EPGN: variants seen among roughly 807,000 people sequenced by gnomAD.
The protein encoded by EPGN is epithelial mitogen.
EPGN carries 21 observed loss-of-function variants against 20.7 expected under a neutral mutation model. That is an observed-to-expected ratio of 1.01 (90% confidence interval 0.72 to 1.46). The LOEUF (loss-of-function observed/expected upper bound fraction) is 1.46. Ranked by LOEUF, EPGN falls within the 40% of genes most tolerant of loss-of-function variation. The pLI is 0.00. For missense variants in EPGN, 199 were observed against 180.7 expected, an observed-to-expected ratio of 1.10 and a Z score of -0.58; for synonymous variants, 69 against 63.8, an observed-to-expected ratio of 1.08 and a Z score of -0.39.
chr4:74,311,243 G>T (rs1750926453), intron 2 of EPGN, among the ~76,000 whole-genome samples: 1 of 151,922 alleles, frequency 6.6e-6, no homozygotes, highest in African/African-American at 2.4e-5. Context: ...GAAATAGAAA[G>T]CACCCAGCAC....
chr4:74,309,049 GA>G (rs780937447), intron 1 of EPGN, 43 bp from the exon 2 acceptor site: 1 of 1,389,026 alleles, frequency 7.2e-7, no homozygotes, highest in Non-Finnish European at 1.0e-6. Context: ...CTTGTACATA[GA>G]AGGAGGCTCT....
intron 2 of EPGN, 79 bp downstream of exon 2, chr4:74,309,261 A>G: frequency 9.3e-7 from 1 of 1,078,438 alleles, no homozygotes; most frequent in South Asian, 1.6e-5. Context: ...TAAAAGCAAT[A>G]TTGGCCATTT....
At position 74,309,109 on chromosome 4, in the gene EPGN, C is replaced by T. The variant is rs779037480; in HGVS notation, c.60C>T (p.Thr20=). 27 of 1,613,082 alleles carry T rather than the reference C, an allele frequency of 1.7e-5. No individual in the cohort carries two copies. The highest frequency in any genetic ancestry group is 3.3e-5 in the South Asian group (3 of 90,980). Residue 20 remains threonine (T), a synonymous_variant, in exon 2 of 5, where the codon ACC becomes ACT. Transcript: ENST00000413830. The part of the protein sequence containing the change: ...YLLFNAMTAL[T]EEAAVTVTPP... Reference sequence around the variant, plus strand: ...TTAATACAGCAATGACAGCACTGACCGAAGAGGCAGCCGTGACTGTAACAC... The same window carrying T: ...TTAATACAGCAATGACAGCACTGACTGAAGAGGCAGCCGTGACTGTAACAC...
Position 74,311,284 on chromosome 4 carries a change from GAATT to G in EPGN, c.134-895_134-892del, listed in dbSNP as rs112699682. 2.6e-3 allele frequency among the ~76,000 whole-genome samples: 395 copies of G among 152,126 alleles called. 1 individual carries two copies. Among genetic ancestry groups the G allele is most frequent in the African/African-American group, 8.4e-3 (349 of 41,520 alleles). On this transcript the variant is annotated intron_variant, in intron 2 of 4. Coordinates refer to ENST00000413830, the MANE Select transcript of EPGN (RefSeq NM_001270989.2). The stretch of plus-strand genomic sequence containing the variant: ...ATAATGGAAAATTCTCACTGCCTGA[GAATT>G]AATTATTAAAATGATAAATTATATT...
chr4:74,313,051 G>A lies in EPGN; in HGVS notation c.288G>A (p.Glu96=). The part of the protein sequence containing the change: ...CFTGYTGERC[E]HLTLTSYAVD... Reference sequence around the variant, plus strand: ...CTGGTTATACTGGAGAAAGGTGTGAGCACTTGACTTTAACTTCATATGCTG... The same window carrying A: ...CTGGTTATACTGGAGAAAGGTGTGAACACTTGACTTTAACTTCATATGCTG... Residue 96 remains glutamate, a synonymous_variant, in exon 4 of 5, where the codon GAG becomes GAA. Coordinates refer to ENST00000413830, the MANE Select transcript of EPGN (RefSeq NM_001270989.2). 6.2e-7 allele frequency: 1 copy of A among 1,612,040 alleles called. No individual in the cohort carries two copies. Among genetic ancestry groups the A allele is most frequent in the Non-Finnish European group, 8.5e-7 (1 of 1,179,486 alleles).
In EPGN at chr4:74,309,047, T is replaced by C. The variant is rs200484090; in HGVS notation, c.44-46T>C. Reference sequence around the variant, plus strand: ...ATACTTTCCATCTGTTGCTTGTACATAGAAGGAGGCTCTCTGTTAAAGATG... The same window carrying C: ...ATACTTTCCATCTGTTGCTTGTACACAGAAGGAGGCTCTCTGTTAAAGATG... On this transcript the variant is annotated intron_variant, in intron 1 of 4. Coordinates refer to ENST00000413830, the MANE Select transcript of EPGN (RefSeq NM_001270989.2). 70 of 1,367,922 alleles carry C rather than the reference T, an allele frequency of 5.1e-5. No homozygotes were observed. The African/African-American group carries it at 8.5e-4, about 17-fold the overall frequency. 84.7% of individuals were successfully genotyped at this position (1,367,922 alleles called of 1,614,324 possible). A position where few individuals can be genotyped will look rare whatever the true frequency, so the allele number is the denominator to read the frequency against.
intron 1 of EPGN, among the ~76,000 whole-genome samples, chr4:74,308,820 T>C (rs1258405738): frequency 2.0e-5 from 3 of 152,182 alleles, no homozygotes; most frequent in Non-Finnish European, 2.9e-5. Context: ...AATTGATACA[T>C]TTAGCTACTA....
At chr4:74,310,032 C>T (rs1408579489) in intron 2 of EPGN, among the ~76,000 whole-genome samples, 1 of 152,052 alleles carries the variant, frequency 6.6e-6, no homozygotes, top group Non-Finnish European at 1.5e-5. Flanking sequence ...AATATTTTAC[C>T]CATTTGATTT....
Position 74,314,727 on chromosome 4 carries a change from G to A in EPGN, c.*90G>A, listed in dbSNP as rs1226306692. 8.7e-7 allele frequency: 1 copy of A among 1,153,998 alleles called. No individual in the cohort carries two copies. Among genetic ancestry groups the A allele is most frequent in the African/African-American group, 1.6e-5 (1 of 64,286 alleles). The allele number at this position is 1,153,998 out of a possible 1,614,324, so 71.5% of individuals were successfully genotyped here. A position where few individuals can be genotyped will look rare whatever the true frequency, so the allele number is the denominator to read the frequency against. ...CAGATGAAACAACAAAACTTGTCAA[G>A]CTGACTAGACTCGAAAATAATGAAA... On this transcript the variant is annotated 3_prime_UTR_variant, in exon 5 of 5. Coordinates refer to ENST00000413830, the MANE Select transcript of EPGN (RefSeq NM_001270989.2).
In EPGN at chr4:74,314,706, T is replaced by C. The variant is rs1410897535; in HGVS notation, c.*69T>C. 2 of 1,382,184 alleles carry C rather than the reference T, an allele frequency of 1.4e-6. No homozygotes were observed. Among genetic ancestry groups the C allele is most frequent in the Non-Finnish European group, 2.0e-6 (2 of 1,016,558 alleles). 85.6% of individuals were successfully genotyped at this position (1,382,184 alleles called of 1,614,324 possible). ...TGAGCCCAAAATTAAAGTTTTCAGA[T>C]GAAACAACAAAACTTGTCAAGCTGA... is the stretch of plus-strand genomic sequence containing the variant. On this transcript the variant is annotated 3_prime_UTR_variant, in exon 5 of 5. Transcript: ENST00000413830.
chr4:74,313,891 A>G (rs1187630358), intron 4 of EPGN, among the ~76,000 whole-genome samples: 1 of 152,192 alleles, frequency 6.6e-6, no homozygotes, highest in African/African-American at 2.4e-5. Flanking sequence ...GTTCAAAATT[A>G]GAAAAGTTTG....
At chr4:74,308,696 A>G in intron 1 of EPGN, 120 bp downstream of exon 1, 1 of 783,720 alleles carries the variant, frequency 1.3e-6, no homozygotes. Flanking sequence ...CAAAGATCAG[A>G]GTAATGAATC....
intron 4 of EPGN, 103 bp from the exon 5 acceptor site, chr4:74,314,477 G>A: frequency 3.5e-6 from 4 of 1,136,940 alleles, no homozygotes; most frequent in Non-Finnish European, 5.1e-6. Context: ...AGGGGATCTG[G>A]GTGGGACACC....
Position 74,313,113 on chromosome 4 carries a change from G to T in EPGN, c.350G>T (p.Gly117Val). The T allele has an allele frequency of 2.5e-6, 4 of 1,612,908 alleles. No homozygotes were observed. The highest frequency in any genetic ancestry group is 3.4e-6 in the Non-Finnish European group (4 of 1,179,454). The change falls in exon 4 of 5, where the codon GGT becomes GTT. Residue 117 changes from glycine to valine, a missense_variant. Gly to Val is a moderately radical substitution (Grantham distance 109). Coordinates refer to ENST00000413830, the MANE Select transcript of EPGN (RefSeq NM_001270989.2). Reference protein sequence around the residue: ...SYEKYIAIGIGVGLLLSGFLV... With the variant: ...SYEKYIAIGIVVGLLLSGFLV... ...GAAAAATACATTGCAATTGGGATTG[G>T]TGTTGGATTACTATTAAGTGGTTTT...
intron 3 of EPGN, among the ~76,000 whole-genome samples, chr4:74,312,677 T>C (rs1241418121): frequency 1.3e-5 from 2 of 152,150 alleles, no homozygotes; most frequent in Non-Finnish European, 1.5e-5. Context: ...GGCAAAAACA[T>C]TACAGGAATA....
In EPGN at chr4:74,311,505, A is replaced by T. The variant is rs1293640500; in HGVS notation, c.134-680A>T. Among the ~76,000 whole-genome samples, 3 of 152,182 alleles carry T rather than the reference A, an allele frequency of 2.0e-5. No homozygotes were observed. The East Asian group carries it at 5.8e-4, about 29-fold the overall frequency. On this transcript the variant is annotated intron_variant, in intron 2 of 4. Transcript: ENST00000413830. ...AGATTCTCTTAATCTTAGCAAGGCA[A>T]ATATGGTATACCTTTATCATAATGA...
intron 4 of EPGN, chr4:74,313,689 C>A: frequency 1.2e-6 from 1 of 860,440 alleles, no homozygotes; most frequent in Non-Finnish European, 1.4e-6. Context: ...AGAAGATAAT[C>A]ACAAATAATT....
chr4:74,313,110 T>C lies in EPGN; in HGVS notation c.347T>C (p.Ile116Thr), dbSNP rs762835135. ...TATGAAAAATACATTGCAATTGGGA[T>C]TGGTGTTGGATTACTATTAAGTGGT... ...DSYEKYIAIGIGVGLLLSGFL... is the reference protein window; with the variant it reads ...DSYEKYIAIGTGVGLLLSGFL... The change falls in exon 4 of 5, where the codon ATT (isoleucine) becomes ACT (threonine). Residue 116 changes from isoleucine (I) to threonine (T), a missense_variant. By Grantham distance (89) the Ile-to-Thr change is moderately conservative (BLOSUM62 -1). Coordinates refer to ENST00000413830, the MANE Select transcript of EPGN (RefSeq NM_001270989.2). 1 of 1,613,108 alleles carries C rather than the reference T, an allele frequency of 6.2e-7. No individual in the cohort carries two copies. The highest frequency in any genetic ancestry group is 2.2e-5 in the East Asian group (1 of 44,774).
chr4:74,312,993 T>A, intron 3 of EPGN, 25 bp from the exon 4 acceptor site: 2 of 1,560,428 alleles, frequency 1.3e-6, no homozygotes, highest in Non-Finnish European at 1.7e-6. Flanking sequence ...GGTTTTAAAA[T>A]TAAACTTTTT....
Sources: gnomAD v4.1 joint callset for allele counts (sites outside exome capture counted in the v4.1 genomes callset) on GRCh38, gnomAD v4.1.1 for gene constraint, MANE v1.5 for transcripts, NCBI Gene and HGNC (gene_info 2026-07-23, HGNC 2026-07-21) for gene names.